The following SYNE2 variants were observed in gnomAD, a reference collection of about 807,000 sequenced individuals.
SYNE2 encodes the protein spectrin repeat containing nuclear envelope protein 2.
SYNE2 carries 431 observed loss-of-function variants against 856.3 expected under a neutral mutation model. The ratio of observed to expected loss-of-function variants is 0.50; its 90% CI spans 0.47 to 0.55. SYNE2 has a LOEUF of 0.55. Among genes scored for constraint, SYNE2 ranks in the 20% least tolerant of loss-of-function variants. SYNE2 has a pLI of 0.00. For synonymous variants in SYNE2, 2,923 were observed against 2,872.3 expected (o/e 1.02, Z -0.56); for missense variants, 8,129 against 8,023.2 (o/e 1.01, Z -0.50).
chr14:63,932,741 G>A (rs1010028237), intron 2 of SYNE2, among the ~76,000 whole-genome samples: 1 of 152,168 alleles, frequency 6.6e-6, no homozygotes, highest in Non-Finnish European at 1.5e-5. Context: ...TTTTAAACTG[G>A]TTATGTCCAA....
In SYNE2 at chr14:64,089,640, C is replaced by A. The variant is rs150818992; in HGVS notation, c.11737C>A (p.Leu3913Ile). Residue 3913 changes from leucine to isoleucine, a missense_variant, in exon 59 of 116, where the codon CTA (leucine) becomes ATA (isoleucine). Around this residue, in one of 3 missense-constraint regions of SYNE2, gnomAD observed 5,410 missense variants for 5,284.8 expected, o/e 1.02. Transcript: ENST00000555002. ...EKRVSKIKTI[L>I]LSKEIFDFSP... ...AAGAGTTTCAAAAATCAAAACTATC[C>A]TATTATCAAAAGAAATATTTGATTT... The A allele has an allele frequency of 9.4e-6, 15 of 1,603,042 alleles. No homozygotes were observed. The East Asian group carries it at 3.4e-4, about 36-fold the overall frequency.
chr14:63,763,726 A>G (rs1222031544), intron 1 of SYNE2, among the ~76,000 whole-genome samples: 1 of 152,138 alleles, frequency 6.6e-6, no homozygotes, highest in Non-Finnish European at 1.5e-5. Flanking sequence ...GTGCAATGGC[A>G]TGATTATAGC....
intron 1 of SYNE2, among the ~76,000 whole-genome samples, chr14:63,854,517 C>T (rs532009579): frequency 6.6e-6 from 1 of 152,200 alleles, no homozygotes; most frequent in Admixed American, 6.5e-5. Flanking sequence ...GGCTTTAGCC[C>T]GGCCAGCCCC....
chr14:63,802,464 A>G (rs1888177394), intron 1 of SYNE2, among the ~76,000 whole-genome samples: 3 of 152,212 alleles, frequency 2.0e-5, no homozygotes, highest in South Asian at 4.2e-4. Flanking sequence ...CTTATGTCAG[A>G]TGAGACATTG....
At chr14:63,850,901 C>G (rs576855951), upstream of SYNE2, among the ~76,000 whole-genome samples, 136 of 152,210 alleles carry the variant, frequency 8.9e-4, no homozygotes, top group African/African-American at 3.2e-3. Context: ...GCAGGATTTA[C>G]TGTAAAGAAA....
intron 45 of SYNE2, among the ~76,000 whole-genome samples, chr14:64,031,612 AT>A (rs2097036130): frequency 6.6e-6 from 1 of 152,244 alleles, no homozygotes; most frequent in Non-Finnish European, 1.5e-5. Context: ...AGGTAATCAG[AT>A]ACCGTTTCTT....
chr14:63,778,482 C>A (rs191254346), intron 1 of SYNE2, among the ~76,000 whole-genome samples: 1 of 152,128 alleles, frequency 6.6e-6, no homozygotes, highest in East Asian at 1.9e-4. Flanking sequence ...TCAATATATA[C>A]AACTTTTAAT....
At chr14:63,944,276 TTTTA>T (rs1434655810) in intron 6 of SYNE2, among the ~76,000 whole-genome samples, 5 of 39,294 alleles carry the variant, frequency 1.3e-4, no homozygotes, top group South Asian at 1.5e-3. Context: ...CTTTCTGAAT[TTTTA>T]TATATATATA....
chr14:64,076,576 C>T (rs187217886), intron 54 of SYNE2, among the ~76,000 whole-genome samples: 5 of 152,144 alleles, frequency 3.3e-5, no homozygotes, highest in Admixed American at 2.0e-4. Flanking sequence ...TGAAAAGTAC[C>T]TGAGCAAATC....
intron 8 of SYNE2, 28 bp from the exon 9 acceptor site, chr14:63,961,497 C>T: frequency 6.4e-7 from 1 of 1,553,168 alleles, no homozygotes; most frequent in Non-Finnish European, 8.9e-7. Context: ...TGTGTAACAG[C>T]TAATTGATAG....
intron 84 of SYNE2, among the ~76,000 whole-genome samples, chr14:64,150,110 T>A (rs1483957656): frequency 3.4e-5 from 5 of 145,728 alleles, no homozygotes; most frequent in South Asian, 2.2e-4. Flanking sequence ...CTCCTAGGCT[T>A]AAGAGATCCT....
At chr14:63,785,667 G>A (rs942311983) in intron 1 of SYNE2, among the ~76,000 whole-genome samples, 3 of 152,104 alleles carry the variant, frequency 2.0e-5, no homozygotes, top group African/African-American at 7.2e-5. Flanking sequence ...TCCACAAAAC[G>A]TACAAGATTC....
chr14:64,199,699 T>C (rs1040777120), intron 99 of SYNE2, among the ~76,000 whole-genome samples: 19 of 118,966 alleles, frequency 1.6e-4, no homozygotes, highest in Non-Finnish European at 2.2e-4. Flanking sequence ...GCGTAGGCGA[T>C]AGAGACTCTG....
At chr14:64,150,007 C>CTTTTTTT (rs755126549) in intron 84 of SYNE2, among the ~76,000 whole-genome samples, 47 of 94,408 alleles carry the variant, frequency 5.0e-4, no homozygotes, top group East Asian at 6.7e-4. Flanking sequence ...TTTTTCTTTT[C>CTTTTTTT]TTTTTTTTTT....
chr14:63,807,225 C>A (rs536346972), intron 1 of SYNE2, among the ~76,000 whole-genome samples: 1 of 151,996 alleles, frequency 6.6e-6, no homozygotes, highest in South Asian at 2.1e-4. Context: ...GTAGTCCCAG[C>A]TAGCTACTCA....
At position 64,119,418 on chromosome 14, in the gene SYNE2, A is replaced by C. The variant is rs2097881182; in HGVS notation, c.12841-9A>C. 1 of 1,613,982 alleles carries C rather than the reference A, an allele frequency of 6.2e-7. No homozygotes were observed. Among genetic ancestry groups the C allele is most frequent in the South Asian group, 1.1e-5 (1 of 91,078 alleles). The stretch of plus-strand genomic sequence containing the variant: ...ACATTATGAATAATTAAATGCTTTT[A>C]TTTCCTAGGCTATGCTAACAGAGAT... On this transcript the variant is annotated splice_polypyrimidine_tract_variant and intron_variant, in intron 66 of 115. Transcript: ENST00000555002.
intron 1 of SYNE2, among the ~76,000 whole-genome samples, chr14:63,821,053 T>C (rs1218107923): frequency 6.6e-6 from 1 of 152,084 alleles, no homozygotes; most frequent in Non-Finnish European, 1.5e-5. Flanking sequence ...GGAGAACTTT[T>C]GAGGTAAATA....
At chr14:63,866,391 A>G (rs1272288188) in intron 1 of SYNE2, among the ~76,000 whole-genome samples, 1 of 152,208 alleles carries the variant, frequency 6.6e-6, no homozygotes, top group African/African-American at 2.4e-5. Flanking sequence ...GGCCAGGCAT[A>G]GTTGCTCACA....
chr14:64,162,261 C>T lies in SYNE2; in HGVS notation c.16284C>T (p.Ala5428=), dbSNP rs2098335384. The change falls in exon 88 of 116, where the codon GCC becomes GCT. Residue 5428 remains alanine, a synonymous_variant. Coordinates refer to ENST00000555002, the MANE Select transcript of SYNE2 (RefSeq NM_182914.3). ...ACCTGGCAGAGATCCTGCCCCCAGC[C>T]CTGCAGGACATAAAGGTGGGTACAA... ...GNNLAEILPP[A]LQDIKELQHD... 9.9e-6 allele frequency: 16 copies of T among 1,614,160 alleles called. No homozygotes were observed. The highest frequency in any genetic ancestry group is 1.4e-5 in the Non-Finnish European group (16 of 1,180,018).
Sources: gnomAD v4.1 joint callset for allele counts (sites outside exome capture counted in the v4.1 genomes callset) on GRCh38, gnomAD v4.1.1 for gene constraint, gnomAD v4.1.1 regional missense constraint, MANE v1.5 for transcripts, NCBI Gene and HGNC (gene_info 2026-07-23, HGNC 2026-07-21) for gene names.